Variants in UVRAG observed in about 807,000 individuals in gnomAD.
UVRAG encodes UV radiation resistance-associated gene protein.
UVRAG carries 19 observed loss-of-function variants against 78.0 expected under a neutral mutation model. The ratio of observed to expected loss-of-function variants is 0.24; its 90% CI spans 0.17 to 0.36. The LOEUF is 0.36. Among genes scored for constraint, UVRAG ranks in the 10% least tolerant of loss-of-function variants. UVRAG has a pLI of 1.00. For synonymous variants in UVRAG, 323 were observed against 324.6 expected (o/e 1.00, Z 0.05); for missense variants, 740 against 853.8 (o/e 0.87, Z 1.66).
Position 75,828,801 on chromosome 11 carries a change from A to ATTTT in UVRAG, c.117+13278_117+13279insTTTT, listed in dbSNP as rs1354813765. 7.9e-4 allele frequency among the ~76,000 whole-genome samples: 59 copies of ATTTT among 74,918 alleles called. 1 individual carries two copies. The highest frequency in any genetic ancestry group is 1.4e-3 in the African/African-American group (21 of 15,212). 49.1% of individuals were successfully genotyped at this position (74,918 alleles called of 152,430 possible). A position where few individuals can be genotyped will look rare whatever the true frequency, so the allele number is the denominator to read the frequency against. On this transcript the variant is annotated intron_variant, in intron 1 of 14. Transcript: ENST00000356136. ...CACACATATATATATATATATATATATATATTTTTTTTTTTTTGTAGAGAC... is the reference window on the plus strand; with the variant it reads ...CACACATATATATATATATATATATATTTTTATATTTTTTTTTTTTTGTAGAGAC...
intron 12 of UVRAG, among the ~76,000 whole-genome samples, chr11:76,032,211 A>C (rs550706832): frequency 1.3e-5 from 2 of 152,318 alleles, no homozygotes; most frequent in Non-Finnish European, 2.9e-5. Flanking sequence ...CAGTTTTCTA[A>C]GGATAATAAC....
At chr11:75,948,134 C>T (rs1045681160) in intron 6 of UVRAG, among the ~76,000 whole-genome samples, 22 of 152,112 alleles carry the variant, frequency 1.4e-4, no homozygotes, top group Non-Finnish European at 4.4e-5. Flanking sequence ...TTATTTGGTG[C>T]TAGTACATGG....
chr11:76,118,946 A>G (rs1591258112), intron 14 of UVRAG, among the ~76,000 whole-genome samples: 1 of 152,046 alleles, frequency 6.6e-6, no homozygotes. Context: ...CTAGAAAAAA[A>G]CTACTGTTTT....
intron 10 of UVRAG, among the ~76,000 whole-genome samples, chr11:76,008,168 C>G (rs1015885582): frequency 3.0e-4 from 46 of 152,228 alleles, no homozygotes; most frequent in African/African-American, 1.1e-3. Context: ...CCTCAGCCTC[C>G]CAAAGTGCTC....
chr11:76,060,544 G>C (rs906925928), intron 12 of UVRAG, among the ~76,000 whole-genome samples: 2 of 152,238 alleles, frequency 1.3e-5, no homozygotes, highest in Non-Finnish European at 2.9e-5. Flanking sequence ...GGCTCCTTCA[G>C]CTTGCAGGGA....
intron 12 of UVRAG, among the ~76,000 whole-genome samples, chr11:76,065,136 G>T (rs979816755): frequency 9.2e-5 from 14 of 152,208 alleles, no homozygotes; most frequent in African/African-American, 3.1e-4. Flanking sequence ...ATTCATGTAT[G>T]AGAGCCTTAT....
intron 12 of UVRAG, among the ~76,000 whole-genome samples, chr11:76,049,419 T>C (rs1950821595): frequency 6.6e-6 from 1 of 152,224 alleles, no homozygotes; most frequent in African/African-American, 2.4e-5. Context: ...GATTTGATGG[T>C]TTTCAGAGTG....
At chr11:75,859,101 G>A (rs1946358448) in intron 2 of UVRAG, among the ~76,000 whole-genome samples, 1 of 152,204 alleles carries the variant, frequency 6.6e-6, no homozygotes, top group Non-Finnish European at 1.5e-5. Context: ...TAGGCTGGGT[G>A]TGGTGGCTCA....
chr11:76,093,673 G>T (rs1353940653), intron 13 of UVRAG, among the ~76,000 whole-genome samples: 5 of 152,144 alleles, frequency 3.3e-5, no homozygotes, highest in Non-Finnish European at 7.3e-5. Context: ...TGTTATTGGT[G>T]TATAAGAATT....
chr11:75,837,808 T>C (rs1945818334), intron 1 of UVRAG, among the ~76,000 whole-genome samples: 1 of 152,234 alleles, frequency 6.6e-6, no homozygotes. Context: ...ATATATTCCA[T>C]TCTAAGAAAC....
chr11:75,851,885 G>T lies in UVRAG; in HGVS notation c.120G>T (p.Arg40=), dbSNP rs764313835. ...TCTTTTTTGTTGTTATTTTTCAGCG[G>T]CGTCTTCGACATCTTCGGAACATTG... ...ALHVELPSQQ[R]RLRHLRNIAA... The change falls in exon 2 of 15, where the codon CGG becomes CGT. Residue 40 remains arginine, a splice_region_variant and synonymous_variant. Coordinates refer to ENST00000356136, the MANE Select transcript of UVRAG (RefSeq NM_003369.4). 3 of 1,601,362 alleles carry T rather than the reference G, an allele frequency of 1.9e-6. No homozygotes were observed. Among genetic ancestry groups the T allele is most frequent in the South Asian group, 2.3e-5 (2 of 87,482 alleles).
chr11:75,992,376 A>G (rs916767736), intron 8 of UVRAG, among the ~76,000 whole-genome samples: 3 of 152,190 alleles, frequency 2.0e-5, no homozygotes, highest in African/African-American at 7.2e-5. Flanking sequence ...CTGAGTTTGT[A>G]CTTGAAGTGC....
chr11:75,822,555 T>G (rs1945416783), intron 1 of UVRAG, among the ~76,000 whole-genome samples: 1 of 152,126 alleles, frequency 6.6e-6, no homozygotes, highest in African/African-American at 2.4e-5. Flanking sequence ...CTCTGGAACT[T>G]CTTACCGACT....
intron 5 of UVRAG, among the ~76,000 whole-genome samples, chr11:75,902,063 T>A (rs1216722087): frequency 6.6e-6 from 1 of 152,252 alleles, no homozygotes; most frequent in Non-Finnish European, 1.5e-5. Flanking sequence ...TTTCACCTGT[T>A]GATCCCTAGT....
intron 13 of UVRAG, among the ~76,000 whole-genome samples, chr11:76,098,604 A>T (rs1468209483): frequency 6.6e-6 from 1 of 152,194 alleles, no homozygotes; most frequent in Non-Finnish European, 1.5e-5. Context: ...TCATTGTTTA[A>T]TAAGTGTGGC....
At chr11:75,928,939 C>CAAAAAAAAAAAAAAAA (rs368913080) in intron 6 of UVRAG, among the ~76,000 whole-genome samples, 4 of 67,488 alleles carry the variant, frequency 5.9e-5, no homozygotes, top group African/African-American at 3.1e-4. Flanking sequence ...GAGACTGTCT[C>CAAAAAAAAAAAAAAAA]AAAAAAAAAA....
intron 12 of UVRAG, among the ~76,000 whole-genome samples, chr11:76,038,483 A>G (rs1462255118): frequency 1.3e-5 from 2 of 152,228 alleles, no homozygotes; most frequent in African/African-American, 4.8e-5. Flanking sequence ...TACAGGACTT[A>G]TGTACATAAG....
intron 13 of UVRAG, among the ~76,000 whole-genome samples, chr11:76,083,225 A>G (rs975483982): frequency 1.3e-5 from 2 of 152,194 alleles, no homozygotes; most frequent in Non-Finnish European, 2.9e-5. Context: ...CTCATTTTAC[A>G]GGTGAGGAAA....
At chr11:76,136,526 T>G (rs1214626184) in intron 14 of UVRAG, among the ~76,000 whole-genome samples, 1 of 148,644 alleles carries the variant, frequency 6.7e-6, no homozygotes, top group Non-Finnish European at 1.5e-5. Flanking sequence ...TTTTTTTTTT[T>G]GAGACAGGGT....
Sources: gnomAD v4.1 joint callset for allele counts (sites outside exome capture counted in the v4.1 genomes callset) on GRCh38, gnomAD v4.1.1 for gene constraint, MANE v1.5 for transcripts, NCBI Gene and HGNC (gene_info 2026-07-23, HGNC 2026-07-21) for gene names.